ARSG: variants seen among roughly 807,000 people sequenced by gnomAD.
ARSG encodes the protein arylsulfatase G.
Under a neutral mutation model 50.5 loss-of-function variants are expected in ARSG, and 37 were observed. The ratio of observed to expected loss-of-function variants is 0.73; its 90% CI spans 0.56 to 0.96. The LOEUF (loss-of-function observed/expected upper bound fraction) is 0.96. ARSG is among the 50% of genes least tolerant of loss of function. ARSG has a pLI of 0.00. For synonymous variants in ARSG, 225 were observed against 254.6 expected, an observed-to-expected ratio of 0.88 and a Z score of 1.11; for missense variants, 629 against 675.3, an observed-to-expected ratio of 0.93 and a Z score of 0.76.
At position 68,358,549 on chromosome 17, in the gene ARSG, A is replaced by G. The variant is rs542695897; in HGVS notation, c.704+1745A>G. On this transcript the variant is annotated intron_variant, in intron 6 of 11. Transcript: ENST00000621439. ...ACTAAAAATACAAAAATTAGCTGGG[A>G]GTGGTGGCACCCATCTGTAGTCCCA... Among the ~76,000 whole-genome samples the G allele has an allele frequency of 3.3e-5, 5 of 151,990 alleles. No individual in the cohort carries two copies. The East Asian group carries it at 9.7e-4, about 30-fold the overall frequency.
chr17:68,430,933 A>ATTCT, the ARSG span, among the ~76,000 whole-genome samples: 3 of 152,160 alleles, frequency 2.0e-5, no homozygotes, highest in Non-Finnish European at 4.4e-5. Context: ...TCTGGGAGGT[A>ATTCT]TTCTTTACTA....
intron 2 of ARSG, among the ~76,000 whole-genome samples, chr17:68,321,978 A>G (rs545092932): frequency 3.3e-5 from 5 of 152,282 alleles, no homozygotes; most frequent in South Asian, 2.1e-4. Context: ...AAAAAAGGTG[A>G]CGTGCAGGCC....
At chr17:68,419,668 A>G (rs1881739178) in intron 11 of ARSG, among the ~76,000 whole-genome samples, 1 of 152,150 alleles carries the variant, frequency 6.6e-6, no homozygotes, top group South Asian at 2.1e-4. Flanking sequence ...AGAACTTCCA[A>G]ATCATTTTAG....
chr17:68,318,495 A>C (rs1333708392), intron 2 of ARSG, among the ~76,000 whole-genome samples: 2 of 152,218 alleles, frequency 1.3e-5, no homozygotes, highest in Non-Finnish European at 2.9e-5. Context: ...CTGGGCAGTA[A>C]TGACTCACAG....
chr17:68,395,579 G>A (rs1046896234), intron 10 of ARSG, among the ~76,000 whole-genome samples: 1 of 152,234 alleles, frequency 6.6e-6, no homozygotes, highest in Non-Finnish European at 1.5e-5. Flanking sequence ...TTTGAGATGA[G>A]CCTCTTTCTA....
chr17:68,278,225 G>A (rs2075587662), intron 1 of ARSG: 1 of 1,614,180 alleles, frequency 6.2e-7, no homozygotes, highest in Non-Finnish European at 8.5e-7. Flanking sequence ...CTTCAACGAA[G>A]AAAAATGAAA....
chr17:68,328,583 C>T (rs1487840516), intron 2 of ARSG, among the ~76,000 whole-genome samples: 4 of 152,108 alleles, frequency 2.6e-5, no homozygotes, highest in East Asian at 1.9e-4. Context: ...AGTATAAACT[C>T]GTTGATGGAA....
the ARSG span, among the ~76,000 whole-genome samples, chr17:68,444,103 G>A: frequency 6.6e-6 from 1 of 152,112 alleles, no homozygotes; most frequent in African/African-American, 2.4e-5. Flanking sequence ...ATGCAGACAC[G>A]CCAAGTTGAA....
At chr17:68,376,277 A>T (rs12452935) in intron 8 of ARSG, among the ~76,000 whole-genome samples, 61,613 of 124,230 alleles carry the variant, frequency 0.5, 15,608 homozygotes, top group African/African-American at 0.64. Context: ...CGCCCCCTGC[A>T]TTTTTTTTTT....
chr17:68,324,179 A>AAGTCCACACTTC (rs1307300943), intron 2 of ARSG, among the ~76,000 whole-genome samples: 2 of 152,184 alleles, frequency 1.3e-5, no homozygotes, highest in African/African-American at 4.8e-5. Flanking sequence ...AGCATTAACG[A>AAGTCCACACTTC]AGTCCACACT....
intron 1 of ARSG, among the ~76,000 whole-genome samples, chr17:68,273,591 G>T (rs1402096296): frequency 2.0e-5 from 3 of 152,108 alleles, no homozygotes; most frequent in African/African-American, 7.2e-5. Context: ...TTCCCCTACA[G>T]CCCTGGATCC....
chr17:68,274,862 C>A (rs1555750387), intron 1 of ARSG, among the ~76,000 whole-genome samples: 1 of 150,686 alleles, frequency 6.6e-6, no homozygotes, highest in African/African-American at 2.4e-5. Flanking sequence ...CTCACTGCAA[C>A]CTCCACCTCC....
chr17:68,430,274 G>T, the ARSG span: 1 of 1,081,776 alleles, frequency 9.2e-7, no homozygotes. Flanking sequence ...GAGAGACTGT[G>T]CCTTAGCATA....
At chr17:68,440,780 A>G in the ARSG span, 10 of 152,344 alleles carry the variant, frequency 6.6e-5, no homozygotes, top group African/African-American at 2.4e-4. Context: ...ATGATTCTAA[A>G]TGATTCTCAT....
the ARSG span, chr17:68,444,545 A>G: frequency 6.2e-7 from 1 of 1,614,076 alleles, no homozygotes; most frequent in Non-Finnish European, 8.5e-7. Context: ...TCATGTCTTT[A>G]ATGTTGTGAA....
chr17:68,327,193 G>A (rs7207147), intron 2 of ARSG, among the ~76,000 whole-genome samples: 1,545 of 152,108 alleles, frequency 0.01, 30 homozygotes, highest in African/African-American at 0.035. Flanking sequence ...AGAGTTGAGT[G>A]GGGCGTGGGG....
chr17:68,370,775 G>A (rs1283912761), intron 8 of ARSG, among the ~76,000 whole-genome samples: 1 of 152,112 alleles, frequency 6.6e-6, no homozygotes, highest in African/African-American at 2.4e-5. Flanking sequence ...AAGGCGACCA[G>A]CCCTCCACCC....
chr17:68,305,757 C>T (rs2076581883), intron 1 of ARSG, among the ~76,000 whole-genome samples: 1 of 152,048 alleles, frequency 6.6e-6, no homozygotes, highest in African/African-American at 2.4e-5. Flanking sequence ...ATTTCCTTTT[C>T]CCCCAGATTA....
chr17:68,440,444 T>C, the ARSG span, among the ~76,000 whole-genome samples: 1 of 152,144 alleles, frequency 6.6e-6, no homozygotes, highest in East Asian at 1.9e-4. Flanking sequence ...AAAATATTAT[T>C]GTATAATATA....
Sources: gnomAD v4.1 joint callset for allele counts (sites outside exome capture counted in the v4.1 genomes callset) on GRCh38, gnomAD v4.1.1 for gene constraint, MANE v1.5 for transcripts, NCBI Gene and HGNC (gene_info 2026-07-23, HGNC 2026-07-21) for gene names.